Variants in PLXNA4 observed in about 807,000 individuals in gnomAD.
PLXNA4 encodes plexin-A4.
In PLXNA4, 44 loss-of-function variants were observed where a neutral mutation model predicts 191.8. The ratio of observed to expected loss-of-function variants is 0.23; its 90% CI spans 0.18 to 0.29. The LOEUF is 0.29. Among genes scored for constraint, PLXNA4 ranks in the 10% least tolerant of loss-of-function variants. The pLI is 1.00. For synonymous variants in PLXNA4, 1,082 were observed against 1,009.5 expected (o/e 1.07, Z -1.36); for missense variants, 1,800 against 2,488.8 (o/e 0.72, Z 5.89).
chr7:132,514,150 C>T (rs1437561752), intron 1 of PLXNA4, among the ~76,000 whole-genome samples: 2 of 151,538 alleles, frequency 1.3e-5, no homozygotes, highest in African/African-American at 2.4e-5. Context: ...CTCCTGGGTT[C>T]ATGCCATTCT....
intron 3 of PLXNA4, among the ~76,000 whole-genome samples, chr7:132,398,075 C>T (rs1420397657): frequency 6.6e-6 from 1 of 152,200 alleles, no homozygotes; most frequent in African/African-American, 2.4e-5. Context: ...GGCACCAAAG[C>T]CCCAAGCTAA....
At chr7:132,143,044 C>T (rs1795315721) in intron 29 of PLXNA4, among the ~76,000 whole-genome samples, 1 of 151,830 alleles carries the variant, frequency 6.6e-6, no homozygotes, top group Non-Finnish European at 1.5e-5. Flanking sequence ...TGATTGCAGC[C>T]ACTCAGGCTA....
At chr7:132,320,223 G>T (rs968279719) in intron 3 of PLXNA4, among the ~76,000 whole-genome samples, 6 of 152,212 alleles carry the variant, frequency 3.9e-5, no homozygotes, top group African/African-American at 1.4e-4. Context: ...TTCTGTCACA[G>T]CTCTGGAGAT....
chr7:132,401,968 A>G (rs1001554357), intron 3 of PLXNA4, among the ~76,000 whole-genome samples: 1 of 152,204 alleles, frequency 6.6e-6, no homozygotes, highest in Non-Finnish European at 1.5e-5. Flanking sequence ...AAAAGTAAGC[A>G]GTCCTTGTCA....
intron 3 of PLXNA4, chr7:132,484,643 G>T (rs761010657): frequency 3.4e-5 from 39 of 1,158,720 alleles, no homozygotes; most frequent in Non-Finnish European, 4.6e-5. Context: ...CTACCTGACC[G>T]AACCCTGTAT....
In PLXNA4 at chr7:132,201,229, G is replaced by A. The variant is rs138043501; in HGVS notation, c.2586+1417C>T. ...ACAGCCCTCAGGAGGAACCGACCCTGCCAACACCTTGATCTTGACCGTCTA... is the reference window on the plus strand; with the variant it reads ...ACAGCCCTCAGGAGGAACCGACCCTACCAACACCTTGATCTTGACCGTCTA... On this transcript the variant is annotated intron_variant, in intron 12 of 31. Transcript: ENST00000321063. Among the ~76,000 whole-genome samples the A allele has an allele frequency of 4.2e-3, 646 of 152,178 alleles. 5 individuals carry two copies. Among genetic ancestry groups the A allele is most frequent in the African/African-American group, 0.015 (621 of 41,546 alleles).
At chr7:132,435,418 C>A (rs1025473137) in intron 3 of PLXNA4, among the ~76,000 whole-genome samples, 1 of 152,170 alleles carries the variant, frequency 6.6e-6, no homozygotes, top group East Asian at 2.0e-4. Flanking sequence ...GTGGATGGAG[C>A]CTGCAGACCC....
Position 132,465,651 on chromosome 7 carries a change from C to T in PLXNA4, c.1371+23641G>A, listed in dbSNP as rs540535680. Among the ~76,000 whole-genome samples the T allele has an allele frequency of 5.3e-4, 80 of 152,308 alleles. 1 individual carries two copies. Among genetic ancestry groups the T allele is most frequent in the African/African-American group, 1.8e-3 (75 of 41,568 alleles). On this transcript the variant is annotated intron_variant, in intron 3 of 31. Transcript: ENST00000321063. ...TTTCTGTTTCTTGGAAAAAGCCCTT[C>T]GTCCTCTCCCATGTGCTGTCATCCC...
At chr7:132,254,283 T>C (rs916334879) in intron 4 of PLXNA4, among the ~76,000 whole-genome samples, 1 of 152,202 alleles carries the variant, frequency 6.6e-6, no homozygotes, top group African/African-American at 2.4e-5. Flanking sequence ...ATACTTTGAA[T>C]TCTAAGAAAG....
intron 3 of PLXNA4, among the ~76,000 whole-genome samples, chr7:132,327,376 A>AT (rs1170904544): frequency 5.3e-5 from 8 of 152,092 alleles, no homozygotes; most frequent in East Asian, 1.9e-4. Context: ...AAATATATAG[A>AT]TTTTTTAAGA....
At chr7:132,639,388 C>A (rs1364199151) in intron 2 of PLXNA4, among the ~76,000 whole-genome samples, 2 of 152,186 alleles carry the variant, frequency 1.3e-5, no homozygotes, top group African/African-American at 4.8e-5. Context: ...CAGCTCCCAA[C>A]CTCCCCAAAC....
intron 3 of PLXNA4, among the ~76,000 whole-genome samples, chr7:132,332,090 T>A (rs1447275727): frequency 6.6e-6 from 1 of 152,232 alleles, no homozygotes; most frequent in East Asian, 1.9e-4. Context: ...ATAAAGTCAT[T>A]GTTCACTAAG....
intron 3 of PLXNA4, among the ~76,000 whole-genome samples, chr7:132,460,910 A>G (rs1391862560): frequency 6.6e-6 from 1 of 152,172 alleles, no homozygotes; most frequent in Non-Finnish European, 1.5e-5. Context: ...AAACAGAAGC[A>G]AGCAACCAAG....
At chr7:132,641,934 A>G (rs1803751328) in intron 2 of PLXNA4, among the ~76,000 whole-genome samples, 1 of 152,198 alleles carries the variant, frequency 6.6e-6, no homozygotes, top group African/African-American at 2.4e-5. Flanking sequence ...AGTGAGACAC[A>G]TCCCCCTTTC....
chr7:132,427,126 G>C (rs1159435887), intron 3 of PLXNA4, among the ~76,000 whole-genome samples: 1 of 152,216 alleles, frequency 6.6e-6, no homozygotes, highest in African/African-American at 2.4e-5. Context: ...GGGCAACTGG[G>C]TAAGACACTG....
At chr7:132,550,213 C>T (rs1242061279) in intron 1 of PLXNA4, among the ~76,000 whole-genome samples, 1 of 152,202 alleles carries the variant, frequency 6.6e-6, no homozygotes, top group African/African-American at 2.4e-5. Context: ...CTGACCCCCA[C>T]AGCATGGTGG....
At chr7:132,191,167 G>C (rs1254044960) in intron 14 of PLXNA4, among the ~76,000 whole-genome samples, 1 of 152,218 alleles carries the variant, frequency 6.6e-6, no homozygotes, top group East Asian at 1.9e-4. Flanking sequence ...GGCTCTTCTT[G>C]AGGTGGCGGC....
intron 3 of PLXNA4, among the ~76,000 whole-genome samples, chr7:132,359,209 CTT>C (rs57415453): frequency 0.08 from 8,807 of 110,732 alleles, 282 homozygotes; most frequent in African/African-American, 0.18. Flanking sequence ...GTCAAGGCTG[CTT>C]TTTTTTTTTT....
intron 3 of PLXNA4, chr7:132,367,920 G>C (rs1014856363): frequency 1.3e-5 from 2 of 152,180 alleles, no homozygotes. Flanking sequence ...GCTGGCCCAG[G>C]TTCCCCCAGG....
Sources: gnomAD v4.1 joint callset for allele counts (sites outside exome capture counted in the v4.1 genomes callset) on GRCh38, gnomAD v4.1.1 for gene constraint, MANE v1.5 for transcripts, NCBI Gene and HGNC (gene_info 2026-07-23, HGNC 2026-07-21) for gene names.